CIZ1: variants seen among roughly 807,000 people sequenced by gnomAD.
The protein encoded by CIZ1 is cip1-interacting zinc finger protein.
CIZ1 carries 58 observed loss-of-function variants against 118.6 expected under a neutral mutation model. The observed-to-expected ratio is 0.49, with a 90% CI of 0.40 to 0.61. The LOEUF (loss-of-function observed/expected upper bound fraction) is 0.61. Ranked by LOEUF, CIZ1 falls within the 20% of genes least tolerant of loss-of-function variation. The probability of loss-of-function intolerance (pLI) is 0.00; values close to 1 mark genes in which losing one functional copy is unlikely to be tolerated. For missense variants in CIZ1, 921 were observed against 1,115.9 expected, an observed-to-expected ratio of 0.83 and a Z score of 2.49; for synonymous variants, 448 against 443.4, an observed-to-expected ratio of 1.01 and a Z score of -0.13.
At chr9:128,173,808 C>A (rs988319954) in intron 11 of CIZ1, among the ~76,000 whole-genome samples, 16 of 151,922 alleles carry the variant, frequency 1.1e-4, no homozygotes, top group African/African-American at 3.9e-4. Flanking sequence ...AGATCAAGAC[C>A]ATCCTGGCTA....
chr9:128,187,669 C>T (rs1832549223), intron 4 of CIZ1, among the ~76,000 whole-genome samples, 194 bp downstream of exon 4: 1 of 151,708 alleles, frequency 6.6e-6, no homozygotes, highest in African/African-American at 2.4e-5. Flanking sequence ...GATGAAACAA[C>T]CTAAAAGAAA....
upstream of CIZ1, among the ~76,000 whole-genome samples, chr9:128,195,866 T>TTTTG (rs753558885): frequency 6.6e-6 from 1 of 151,960 alleles, no homozygotes; most frequent in Non-Finnish European, 1.5e-5. Flanking sequence ...CCATCAGAAT[T>TTTTG]TTTGTTTGTT....
At chr9:128,199,228 C>T (rs1286571392) in intron 1 of CIZ1, among the ~76,000 whole-genome samples, 1 of 151,936 alleles carries the variant, frequency 6.6e-6, no homozygotes, top group Non-Finnish European at 1.5e-5. Context: ...ATTAGCTGGG[C>T]ATAATGGTGG....
chr9:128,187,211 G>C (rs1019390520), intron 4 of CIZ1, among the ~76,000 whole-genome samples: 25 of 152,178 alleles, frequency 1.6e-4, no homozygotes, highest in African/African-American at 6.0e-4. Flanking sequence ...AAAGTGCTGG[G>C]ATTACAGGCG....
Position 128,185,579 on chromosome 9 carries a change from G to T in CIZ1, c.556C>A (p.Arg186=), listed in dbSNP as rs141376660. The change falls in exon 5 of 17, where the codon CGG becomes AGG. Residue 186 remains arginine (R), a synonymous_variant. Coordinates refer to ENST00000372938, the MANE Select transcript of CIZ1 (RefSeq NM_001131016.2). ...TTGGGGGTGGTAGAGGAGGAGGTCC[G>T]GGCCTGTTTCTGGGGGTTCCGTCCT... ...LSGRNPQKQA[R]TSSSTTPNRK... is the part of the protein sequence containing the mutation. 3.3e-6 allele frequency: 5 copies of T among 1,524,632 alleles called. No homozygotes were observed. In the South Asian group the frequency reaches 6.5e-5, roughly 20 times the overall value. 94.4% of individuals were successfully genotyped at this position (1,524,632 alleles called of 1,614,324 possible).
At chr9:128,185,866 G>A (rs2130998142) in intron 4 of CIZ1, 90 bp from the exon 5 acceptor site, 3 of 869,486 alleles carry the variant, frequency 3.5e-6, no homozygotes, top group South Asian at 2.8e-5. Flanking sequence ...AGCATCATGG[G>A]AACATCCCAG....
At position 128,178,391 on chromosome 9, in the gene CIZ1, T is replaced by C; in HGVS notation, c.1598A>G (p.Asn533Ser). ...ACGLDVGECENRAREMPGVWG... is the reference protein window; with the variant it reads ...ACGLDVGECESRAREMPGVWG... ...CACCCCTGGCATCTCTCTCGCTCTG[T>C]TTTCACATTCTCCCACATCTAGGCC... is the stretch of plus-strand genomic sequence containing the variant. The change falls in exon 9 of 17, where the codon AAC (asparagine) becomes AGC (serine). Residue 533 changes from asparagine (N) to serine (S), a missense_variant. Asn to Ser is a conservative substitution (Grantham distance 46, BLOSUM62 1). Transcript: ENST00000372938. 6.2e-7 allele frequency: 1 copy of C among 1,613,844 alleles called. No homozygotes were observed. Among genetic ancestry groups the C allele is most frequent in the Non-Finnish European group, 8.5e-7 (1 of 1,179,910 alleles).
intron 5 of CIZ1, among the ~76,000 whole-genome samples, chr9:128,183,982 G>A (rs907315915): frequency 1.3e-5 from 2 of 152,164 alleles, no homozygotes; most frequent in African/African-American, 4.8e-5. Flanking sequence ...TGGCCAGGCT[G>A]GTCTTGGACT....
chr9:128,166,356 G>A lies in CIZ1; in HGVS notation c.2538C>T (p.Arg846=). 1 of 1,561,610 alleles carries A rather than the reference G, an allele frequency of 6.4e-7. No homozygotes were observed. Among genetic ancestry groups the A allele is most frequent in the Non-Finnish European group, 8.7e-7 (1 of 1,152,496 alleles). ...CGTTCCGGGCGTTGATTGCGCACCGGCGGCTCACAGGTCGGGTGGTGGGGC... is the reference window on the plus strand; with the variant it reads ...CGTTCCGGGCGTTGATTGCGCACCGACGGCTCACAGGTCGGGTGGTGGGGC... ...NPSPTTRPVS[R]RCAINARNAL... The change falls in exon 17 of 17, where the codon CGC becomes CGT. Residue 846 remains arginine (R), a synonymous_variant. Transcript: ENST00000372938. This position sits in a 1 kb window ranked among gnomAD's most constrained non-coding sequence, Gnocchi z 4.4.
At chr9:128,200,582 A>G (rs1000215034) in intron 1 of CIZ1, among the ~76,000 whole-genome samples, 1 of 150,652 alleles carries the variant, frequency 6.6e-6, no homozygotes, top group Non-Finnish European at 1.5e-5. Flanking sequence ...TCCTTGAACC[A>G]GGGAGGGAGA....
In CIZ1 at chr9:128,203,578, G is replaced by C; in HGVS notation, c.-6+608C>G. ...ACCTCGACCTGCCGCAGATCGCTGT[G>C]GTGGGCGGCCAGAGCGCCGGCAAGA... On this transcript the variant is annotated intron_variant, in intron 1 of 17. Transcript: ENST00000372948. This position sits in a 1 kb window ranked among gnomAD's most constrained non-coding sequence, Gnocchi z 5.3. 3 of 1,551,284 alleles carry C rather than the reference G, an allele frequency of 1.9e-6. No individual in the cohort carries two copies. The highest frequency in any genetic ancestry group is 2.6e-6 in the Non-Finnish European group (3 of 1,152,466).
upstream of CIZ1, chr9:128,191,616 G>T: frequency 8.3e-7 from 1 of 1,208,062 alleles, no homozygotes; most frequent in Non-Finnish European, 1.0e-6. The surrounding 1 kb of genome is among the most constrained non-coding windows in gnomAD (Gnocchi z 5.5). Flanking sequence ...CCCTCTGGGG[G>T]ACGGGAGGTC....
chr9:128,173,812 C>G (rs914900595), intron 11 of CIZ1, among the ~76,000 whole-genome samples: 6 of 151,976 alleles, frequency 3.9e-5, no homozygotes, highest in Non-Finnish European at 7.4e-5. Context: ...CAAGACCATC[C>G]TGGCTAACAC....
chr9:128,169,123 C>T lies in CIZ1; in HGVS notation c.2224G>A (p.Gly742Ser). 1 of 1,614,186 alleles carries T rather than the reference C, an allele frequency of 6.2e-7. No individual in the cohort carries two copies. Among genetic ancestry groups the T allele is most frequent in the Non-Finnish European group, 8.5e-7 (1 of 1,180,024 alleles). Reference protein sequence around the residue: ...ITVDAVGCFEGDEEEEEDDED... With the variant: ...ITVDAVGCFESDEEEEEDDED... ...TCATCCTCTTCCTCTTCTTCATCAC[C>T]CTCGAAGCAACCCACAGCGTCCACT... is the stretch of plus-strand genomic sequence containing the variant. The change falls in exon 14 of 17, where the codon GGT becomes AGT. Residue 742 changes from glycine (G) to serine (S), a missense_variant. Physicochemically the swap from Gly to Ser is moderately conservative, Grantham distance 56. Coordinates refer to ENST00000372938, the MANE Select transcript of CIZ1 (RefSeq NM_001131016.2).
At position 128,170,097 on chromosome 9, in the gene CIZ1, G is replaced by C; in HGVS notation, c.1954C>G (p.Pro652Ala). The C allele has an allele frequency of 6.3e-7, 1 of 1,594,416 alleles. No individual in the cohort carries two copies. The highest frequency in any genetic ancestry group is 8.6e-7 in the Non-Finnish European group (1 of 1,169,412). ...TGGCAGGTGTTGCACCAGCGCCTTG[G>C]TGGAGGCTCCCTGAATGACAACAGT... ...VLETEDEEPP[P>A]RRWCNTCQLY... The change falls in exon 12 of 17, where the codon CCA (proline) becomes GCA (alanine). Residue 652 changes from proline (P) to alanine (A), a missense_variant. Transcript: ENST00000372938.
At chr9:128,193,469 G>C (rs966239444), upstream of CIZ1, among the ~76,000 whole-genome samples, 1 of 152,064 alleles carries the variant, frequency 6.6e-6, no homozygotes, top group Non-Finnish European at 1.5e-5. Flanking sequence ...AGCACTTTGT[G>C]GGGGGTCCAG....
At position 128,166,866 on chromosome 9, in the gene CIZ1, C is replaced by G; in HGVS notation, c.2380G>C (p.Val794Leu). 3 of 1,614,198 alleles carry G rather than the reference C, an allele frequency of 1.9e-6. No homozygotes were observed. The South Asian group carries it at 3.3e-5, about 18-fold the overall frequency. ...PNTAYGVDFL[V>L]PVMGYICRIC... is the part of the protein sequence containing the mutation. ...CGGCAGATATAGCCCATCACGGGCACCAGGAAGTCCACACCTGTAGGATGG... is the reference window on the plus strand; with the variant it reads ...CGGCAGATATAGCCCATCACGGGCAGCAGGAAGTCCACACCTGTAGGATGG... The change falls in exon 16 of 17, where the codon GTG (valine) becomes CTG (leucine). Residue 794 changes from valine (V) to leucine (L), a missense_variant. Val to Leu is a conservative substitution (Grantham distance 32). Transcript: ENST00000372938. The surrounding 1 kb of genome is among the most constrained non-coding windows in gnomAD (Gnocchi z 4.4).
In CIZ1 at chr9:128,198,742, GA is replaced by G. The variant is rs1206127479; in HGVS notation, c.-6+5443del. Among the ~76,000 whole-genome samples the G allele has an allele frequency of 6.6e-5, 10 of 152,108 alleles. No homozygotes were observed. In the East Asian group the frequency reaches 1.9e-3, roughly 29 times the overall value. On this transcript the variant is annotated intron_variant, in intron 1 of 17. Coordinates refer to the CIZ1 transcript ENST00000372948. The stretch of plus-strand genomic sequence containing the variant: ...AGCTACTTGGGAGGCTGAGGCAGGG[GA>G]ATCGCTTGAACCCAGGAGGCGGAGG...
intron 13 of CIZ1, 85 bp downstream of exon 13, chr9:128,169,321 T>G: frequency 8.4e-7 from 1 of 1,187,140 alleles, no homozygotes. Context: ...GAGTTTGGGC[T>G]GGGATAAACC....
Sources: allele counts gnomAD v4.1 joint callset (sites outside exome capture counted in the v4.1 genomes callset), GRCh38; gene constraint gnomAD v4.1.1; non-coding constraint Gnocchi (gnomAD v3.1); transcripts MANE v1.5; gene names NCBI Gene and HGNC (gene_info 2026-07-23, HGNC 2026-07-21).